The following SEZ6 variants were observed in gnomAD, a reference collection of about 807,000 sequenced individuals.
SEZ6 encodes seizure related 6 homolog.
A neutral mutation model predicts 101.0 loss-of-function variants in SEZ6; 53 were observed. The observed-to-expected ratio is 0.52, with a 90% CI of 0.42 to 0.66. The LOEUF (loss-of-function observed/expected upper bound fraction) is 0.66, where lower values mean the gene tolerates loss of function less well. Among genes scored for constraint, SEZ6 ranks in the 30% least tolerant of loss-of-function variants. SEZ6 has a pLI of 0.00. For missense variants in SEZ6, 1,102 were observed against 1,289.4 expected, an observed-to-expected ratio of 0.85 and a Z score of 2.23; for synonymous variants, 488 against 512.2, an observed-to-expected ratio of 0.95 and a Z score of 0.64.
In SEZ6 at chr17:28,959,022, C is replaced by T. The variant is rs746032357; in HGVS notation, c.2107+3G>A. The T allele has an allele frequency of 1.2e-6, 2 of 1,609,606 alleles. No individual in the cohort carries two copies. The highest frequency in any genetic ancestry group is 2.2e-5 in the South Asian group (2 of 90,348). On this transcript the variant is annotated splice_donor_region_variant and intron_variant, in intron 10 of 16. Coordinates refer to ENST00000317338, the MANE Select transcript of SEZ6 (RefSeq NM_178860.5). The surrounding 1 kb of genome is among the most constrained non-coding windows in gnomAD (Gnocchi z 4.4). The stretch of plus-strand genomic sequence containing the variant: ...ACTCTGAGTGGGGTAGGGACAAGCT[C>T]ACCAAAGAAGTGGATGACGAAGCCC...
At chr17:28,969,722 T>C in intron 4 of SEZ6, 35 bp downstream of exon 4, 2 of 1,436,584 alleles carry the variant, frequency 1.4e-6, no homozygotes, top group East Asian at 2.8e-5. Context: ...GCAGCGAGTC[T>C]GGGCTGGTTC....
At chr17:28,960,358 A>G (rs2040956456) in intron 7 of SEZ6, 147 bp downstream of exon 7, 1 of 1,056,780 alleles carries the variant, frequency 9.5e-7, no homozygotes, top group African/African-American at 1.6e-5. Flanking sequence ...GGGCAGGGAA[A>G]GGGGGCCTAA....
chr17:28,964,972 C>T (rs562427197), intron 4 of SEZ6, among the ~76,000 whole-genome samples: 17 of 152,108 alleles, frequency 1.1e-4, no homozygotes, highest in African/African-American at 3.9e-4. Context: ...AGGAGAATCG[C>T]TTGAACCCGG....
intron 1 of SEZ6, among the ~76,000 whole-genome samples, chr17:28,989,345 T>C (rs2041426298): frequency 6.6e-6 from 1 of 152,160 alleles, no homozygotes; most frequent in African/African-American, 2.4e-5. Flanking sequence ...TTAATCCCTA[T>C]AATAACTTTA....
chr17:28,990,051 G>A (rs1304716901), intron 1 of SEZ6, among the ~76,000 whole-genome samples: 1 of 152,032 alleles, frequency 6.6e-6, no homozygotes. Flanking sequence ...CATCCTGGGC[G>A]ACAAGAGTTA....
At chr17:28,988,710 G>A (rs1366108059) in intron 1 of SEZ6, among the ~76,000 whole-genome samples, 1 of 152,214 alleles carries the variant, frequency 6.6e-6, no homozygotes, top group Non-Finnish European at 1.5e-5. Context: ...AATTTGGATT[G>A]CAAATATGAA....
At chr17:28,982,636 A>G (rs1027954271) in intron 1 of SEZ6, among the ~76,000 whole-genome samples, 16 of 152,110 alleles carry the variant, frequency 1.1e-4, no homozygotes, top group Admixed American at 2.0e-4. Context: ...AGATTTCCTC[A>G]TGGTTGCATG....
chr17:28,981,461 T>C lies in SEZ6; in HGVS notation c.634A>G (p.Ile212Val). The C allele has an allele frequency of 6.4e-7, 1 of 1,570,024 alleles. No individual in the cohort carries two copies. The highest frequency in any genetic ancestry group is 1.2e-5 in the South Asian group (1 of 85,646). The change falls in exon 2 of 17, where the codon ATC becomes GTC. Residue 212 changes from isoleucine (I) to valine (V), a missense_variant. Coordinates refer to ENST00000317338, the MANE Select transcript of SEZ6 (RefSeq NM_178860.5). ...QGAGIGIQGTITSSTASGDDE... is the reference protein window; with the variant it reads ...QGAGIGIQGTVTSSTASGDDE... ...TCTCCTGAAGCTGTGGAGGAGGTGA[T>C]GGTCCCCTGGATCCCGATCCCTGCG...
chr17:28,988,835 G>A (rs888292081), intron 1 of SEZ6, among the ~76,000 whole-genome samples: 1 of 152,210 alleles, frequency 6.6e-6, no homozygotes, highest in Non-Finnish European at 1.5e-5. Context: ...CCAAGTCCAG[G>A]GGGTTTTCCC....
chr17:28,998,190 G>T (rs1409485127), intron 1 of SEZ6, among the ~76,000 whole-genome samples: 1 of 152,074 alleles, frequency 6.6e-6, no homozygotes, highest in Admixed American at 6.5e-5. Flanking sequence ...CTTTAACAAG[G>T]AGCCATGAGC....
chr17:28,966,727 A>G (rs892902543), intron 4 of SEZ6, among the ~76,000 whole-genome samples: 3 of 152,026 alleles, frequency 2.0e-5, no homozygotes, highest in Non-Finnish European at 4.4e-5. Context: ...GTGTGAATAG[A>G]AAAATGGGCC....
chr17:28,976,812 C>G (rs1958036459), intron 3 of SEZ6, among the ~76,000 whole-genome samples: 1 of 152,238 alleles, frequency 6.6e-6, no homozygotes, highest in African/African-American at 2.4e-5. Flanking sequence ...CCTGCTGCTG[C>G]CCAGGCCAGA....
chr17:28,955,514 T>G lies in SEZ6; in HGVS notation c.*448A>C. 2.5e-6 allele frequency: 1 copy of G among 405,206 alleles called. No homozygotes were observed. The highest frequency in any genetic ancestry group is 7.1e-5 in the East Asian group (1 of 14,040). The allele number at this position is 405,206 out of a possible 1,614,324, so 25.1% of individuals were successfully genotyped here. On this transcript the variant is annotated 3_prime_UTR_variant, in exon 17 of 17. Coordinates refer to ENST00000317338, the MANE Select transcript of SEZ6 (RefSeq NM_178860.5). The stretch of plus-strand genomic sequence containing the variant: ...CACCGTTGAGAGGAGTTTTGGCCAT[T>G]GGTGATGGCGCTGTGAGGAGTACCC...
At position 28,981,945 on chromosome 17, in the gene SEZ6, C is replaced by T; in HGVS notation, c.150G>A (p.Gln50=). ...GELTAAPTPE[Q]PERGVHFVTT... The stretch of plus-strand genomic sequence containing the variant: ...TGACAAAGTGGACGCCTCGTTCTGG[C>T]TGCTCAGGTGTGGGGGCTGCTGTCA... The change falls in exon 2 of 17, where the codon CAG becomes CAA. Residue 50 remains glutamine, a synonymous_variant. Transcript: ENST00000317338. 1 of 1,613,832 alleles carries T rather than the reference C, an allele frequency of 6.2e-7. No homozygotes were observed. The highest frequency in any genetic ancestry group is 8.5e-7 in the Non-Finnish European group (1 of 1,179,880).
intron 3 of SEZ6, among the ~76,000 whole-genome samples, chr17:28,979,440 A>T (rs2041267239): frequency 6.6e-6 from 1 of 152,064 alleles, no homozygotes; most frequent in African/African-American, 2.4e-5. Context: ...GTTTATACTC[A>T]CCCAGTCCCC....
At position 28,955,625 on chromosome 17, in the gene SEZ6, C is replaced by G. The variant is rs748469675; in HGVS notation, c.*337G>C. 6 of 556,492 alleles carry G rather than the reference C, an allele frequency of 1.1e-5. No individual in the cohort carries two copies. Among genetic ancestry groups the G allele is most frequent in the South Asian group, 9.2e-5 (6 of 65,474 alleles). 34.5% of individuals were successfully genotyped at this position (556,492 alleles called of 1,614,324 possible). On this transcript the variant is annotated 3_prime_UTR_variant, in exon 17 of 17. Transcript: ENST00000317338. ...TGGTGGTCATGTGGAGAAAGGTACT[C>G]CTGCTCTGCTAGTGTGTTCCAGGCT...
intron 1 of SEZ6, among the ~76,000 whole-genome samples, chr17:28,996,166 C>G (rs1188445830): frequency 2.0e-5 from 3 of 151,890 alleles, no homozygotes; most frequent in African/African-American, 7.3e-5. Context: ...GTCCCAGCCA[C>G]CACACCCAGC....
intron 10 of SEZ6, among the ~76,000 whole-genome samples, chr17:28,958,426 C>A (rs184821298): frequency 6.6e-6 from 1 of 152,160 alleles, no homozygotes; most frequent in East Asian, 1.9e-4. Flanking sequence ...TGAGGGAAAT[C>A]GTCACTTCTA....
chr17:28,958,335 G>A (rs1368742341), intron 10 of SEZ6, among the ~76,000 whole-genome samples, 194 bp from the exon 11 acceptor site: 1 of 152,166 alleles, frequency 6.6e-6, no homozygotes, highest in Non-Finnish European at 1.5e-5. Flanking sequence ...CTAGATTCCA[G>A]GGTTAGCATT....
Sources: gnomAD v4.1 joint callset for allele counts (sites outside exome capture counted in the v4.1 genomes callset) on GRCh38, gnomAD v4.1.1 for gene constraint, Gnocchi (gnomAD v3.1) non-coding constraint, MANE v1.5 for transcripts, NCBI Gene and HGNC (gene_info 2026-07-23, HGNC 2026-07-21) for gene names.